Variants in NEK11 observed in about 807,000 individuals in gnomAD.
The protein encoded by NEK11 is NIMA related kinase 11.
Under a neutral mutation model 80.7 loss-of-function variants are expected in NEK11, and 72 were observed. The ratio of observed to expected loss-of-function variants is 0.89; its 90% CI spans 0.74 to 1.08. NEK11 has a LOEUF of 1.08. NEK11 is among the 50% of genes least tolerant of loss of function. The probability of loss-of-function intolerance (pLI) is 0.00; values close to 1 mark genes in which losing one functional copy is unlikely to be tolerated. For synonymous variants in NEK11, 251 were observed against 260.7 expected, an observed-to-expected ratio of 0.96 and a Z score of 0.36; for missense variants, 764 against 763.6, an observed-to-expected ratio of 1.00 and a Z score of -0.01.
intron 14 of NEK11, among the ~76,000 whole-genome samples, chr3:131,228,307 G>A (rs1457689960): frequency 6.6e-6 from 1 of 152,030 alleles, no homozygotes; most frequent in Non-Finnish European, 1.5e-5. Context: ...TCAAACGGTA[G>A]TTGCTAATGG....
At position 131,234,399 on chromosome 3, in the gene NEK11, C is replaced by T. The variant is rs79530860; in HGVS notation, c.1560+5711C>T. Among the ~76,000 whole-genome samples the T allele has an allele frequency of 8.8e-3, 1,335 of 152,234 alleles. 14 individuals carry two copies. The highest frequency in any genetic ancestry group is 0.029 in the African/African-American group (1,185 of 41,534). Reference sequence around the variant, plus strand: ...GGAAGAAACACTTTTTGTCTTAAATCGACCTTAGAGGTCATCAGTTCTAAA... The same window carrying T: ...GGAAGAAACACTTTTTGTCTTAAATTGACCTTAGAGGTCATCAGTTCTAAA... On this transcript the variant is annotated intron_variant, in intron 15 of 17. Transcript: ENST00000383366.
At chr3:131,341,275 T>C (rs867024620) in intron 17 of NEK11, among the ~76,000 whole-genome samples, 4 of 152,348 alleles carry the variant, frequency 2.6e-5, no homozygotes, top group South Asian at 4.1e-4. Context: ...ATGACTGATT[T>C]TGTTTTTGAC....
At chr3:131,031,444 A>C (rs2064830407) in intron 3 of NEK11, among the ~76,000 whole-genome samples, 1 of 152,228 alleles carries the variant, frequency 6.6e-6, no homozygotes, top group Non-Finnish European at 1.5e-5. Context: ...AGTACTTCTA[A>C]AAACTACACT....
chr3:131,181,767 G>GA (rs1446449007), intron 14 of NEK11, among the ~76,000 whole-genome samples: 1 of 93,498 alleles, frequency 1.1e-5, no homozygotes, highest in Non-Finnish European at 2.3e-5. Flanking sequence ...AAAAAAAAAA[G>GA]AAAAGATAAC....
intron 14 of NEK11, among the ~76,000 whole-genome samples, chr3:131,178,243 TTATATA>T (rs570044541): frequency 4.5e-4 from 68 of 152,350 alleles, no homozygotes; most frequent in Non-Finnish European, 7.8e-4. Flanking sequence ...ACTGTAGACT[TTATATA>T]TAAGCACTGT....
At chr3:131,094,496 G>C (rs2077161815) in intron 4 of NEK11, among the ~76,000 whole-genome samples, 1 of 152,166 alleles carries the variant, frequency 6.6e-6, no homozygotes, top group Non-Finnish European at 1.5e-5. Flanking sequence ...AGGCAATACA[G>C]TCAATTCAGT....
At chr3:131,033,875 A>G (rs1302682128) in intron 3 of NEK11, among the ~76,000 whole-genome samples, 1 of 152,174 alleles carries the variant, frequency 6.6e-6, no homozygotes, top group African/African-American at 2.4e-5. Context: ...TCATTATCAC[A>G]GTAGAATAAA....
intron 7 of NEK11, among the ~76,000 whole-genome samples, 174 bp from the exon 8 acceptor site, chr3:131,152,214 G>T (rs1468063752): frequency 4.0e-5 from 6 of 150,560 alleles, no homozygotes; most frequent in African/African-American, 1.5e-4. Flanking sequence ...TTTTTTTTTG[G>T]TAAACATGTA....
chr3:131,221,516 T>A (rs556924674), intron 14 of NEK11, among the ~76,000 whole-genome samples: 2 of 152,286 alleles, frequency 1.3e-5, no homozygotes, highest in African/African-American at 4.8e-5. Flanking sequence ...TCACATGGAT[T>A]TGCTTAAGGC....
rs570451055 is a variant in NEK11, at chr3:131,089,960, A to G, written c.336+9372A>G. Among the ~76,000 whole-genome samples the G allele has an allele frequency of 2.6e-5, 4 of 152,354 alleles. No homozygotes were observed. In the South Asian group the frequency reaches 8.3e-4, roughly 32 times the overall value. On this transcript the variant is annotated intron_variant, in intron 4 of 17. Coordinates refer to ENST00000383366, the MANE Select transcript of NEK11 (RefSeq NM_024800.5). Reference sequence around the variant, plus strand: ...CGGAAGCTTTTTCATTTTAAAATAAAAAGCAGGACAGAATAATTTTTGAAG... The same window carrying G: ...CGGAAGCTTTTTCATTTTAAAATAAGAAGCAGGACAGAATAATTTTTGAAG...
At chr3:131,143,852 C>T (rs2149718761) in intron 7 of NEK11, among the ~76,000 whole-genome samples, 1 of 152,184 alleles carries the variant, frequency 6.6e-6, no homozygotes, top group Admixed American at 6.5e-5. Flanking sequence ...TAGGGTGATA[C>T]ACACTAAAGC....
chr3:131,166,600 G>GGGAT (rs1291418492), intron 12 of NEK11, among the ~76,000 whole-genome samples: 5 of 152,154 alleles, frequency 3.3e-5, no homozygotes, highest in Middle Eastern at 6.3e-3. Context: ...AGACAATGTG[G>GGGAT]GGATGATGGT....
chr3:131,272,718 C>T (rs1201211250), intron 16 of NEK11, among the ~76,000 whole-genome samples: 3 of 151,928 alleles, frequency 2.0e-5, no homozygotes, highest in Admixed American at 6.6e-5. Flanking sequence ...TCAGGTGATC[C>T]GCCCACCTCA....
intron 14 of NEK11, among the ~76,000 whole-genome samples, chr3:131,191,734 T>C (rs1579897169): frequency 1.3e-5 from 2 of 152,146 alleles, no homozygotes; most frequent in East Asian, 3.9e-4. Flanking sequence ...TTAAGGACAG[T>C]CTTTTCAACA....
Position 131,188,816 on chromosome 3 carries a change from A to G in NEK11, c.1399+17929A>G, listed in dbSNP as rs554626005. 3.3e-5 allele frequency among the ~76,000 whole-genome samples: 5 copies of G among 152,150 alleles called. No individual in the cohort carries two copies. In the South Asian group the frequency reaches 1.0e-3, roughly 32 times the overall value. On this transcript the variant is annotated intron_variant, in intron 14 of 17. Transcript: ENST00000383366. The stretch of plus-strand genomic sequence containing the variant: ...TACAGTGAAGTTTTCCTCTACCCCA[A>G]AGTGTTTCATTACTTCCTGTAGTGA...
chr3:131,192,275 A>G (rs1043176732), intron 14 of NEK11, among the ~76,000 whole-genome samples: 1 of 152,206 alleles, frequency 6.6e-6, no homozygotes, highest in Non-Finnish European at 1.5e-5. Context: ...ACTATCAAAA[A>G]ACAAAATAAC....
Position 131,109,784 on chromosome 3 carries a change from A to AT in NEK11, c.337-17dup. 6.4e-7 allele frequency: 1 copy of AT among 1,574,798 alleles called. No individual in the cohort carries two copies. On this transcript the variant is annotated intron_variant, in intron 4 of 17. Transcript: ENST00000383366. ...CATATTAGCTGAAAAAATATGAAAG[A>AT]TTATGCTCTTCATTTCAGGGCCGAG...
intron 16 of NEK11, among the ~76,000 whole-genome samples, chr3:131,262,818 C>T (rs972271100): frequency 6.6e-6 from 1 of 151,974 alleles, no homozygotes; most frequent in Non-Finnish European, 1.5e-5. Flanking sequence ...CTACTTGTCC[C>T]CCAACCCCCG....
intron 5 of NEK11, among the ~76,000 whole-genome samples, chr3:131,121,482 G>T (rs532010352): frequency 3.3e-5 from 5 of 152,218 alleles, no homozygotes; most frequent in Admixed American, 3.3e-4. Flanking sequence ...CTCAAACTCT[G>T]TGCTGGGAGA....
Sources: allele counts gnomAD v4.1 joint callset (sites outside exome capture counted in the v4.1 genomes callset), GRCh38; gene constraint gnomAD v4.1.1; transcripts MANE v1.5; gene names NCBI Gene and HGNC (gene_info 2026-07-23, HGNC 2026-07-21).